Variants in S100A11 observed in about 807,000 individuals in gnomAD.
S100A11 encodes the protein S100 calcium binding protein A11.
Under a neutral mutation model 7.4 loss-of-function variants are expected in S100A11, and 5 were observed. The ratio of observed to expected loss-of-function variants is 0.68; its 90% CI spans 0.35 to 1.42. The LOEUF (loss-of-function observed/expected upper bound fraction) is 1.42, where lower values mean the gene tolerates loss of function less well. Among genes scored for constraint, S100A11 ranks in the 40% most tolerant of loss-of-function variants. The pLI is 0.04. For synonymous variants in S100A11, 47 were observed against 46.6 expected (o/e 1.01, Z -0.04); for missense variants, 96 against 125.0 (o/e 0.77, Z 1.11).
At position 152,032,588 on chromosome 1, in the gene S100A11, G is replaced by A; in HGVS notation, c.*74C>T. 1.4e-6 allele frequency: 2 copies of A among 1,390,188 alleles called. No homozygotes were observed. Among genetic ancestry groups the A allele is most frequent in the Non-Finnish European group, 2.0e-6 (2 of 999,210 alleles). 86.1% of individuals were successfully genotyped at this position (1,390,188 alleles called of 1,614,324 possible). A position where few individuals can be genotyped will look rare whatever the true frequency, so the allele number is the denominator to read the frequency against. ...AGGTGGTTAGTGTGCTCAGGGGATG[G>A]GTGGGCTGTGGAGATGATGACAGAA... On this transcript the variant is annotated 3_prime_UTR_variant, in exon 3 of 3. Coordinates refer to ENST00000271638, the MANE Select transcript of S100A11 (RefSeq NM_005620.2).
rs766173559 is a variant in S100A11, at chr1:152,032,778, C to A, written c.202G>T (p.Asp68Tyr). The change falls in exon 3 of 3, where the codon GAC becomes TAC. Residue 68 changes from aspartate (D) to tyrosine (Y), a missense_variant. Asp to Tyr is a radical substitution (Grantham distance 160). Coordinates refer to ENST00000271638, the MANE Select transcript of S100A11 (RefSeq NM_005620.2). ...GVLDRMMKKL[D>Y]TNSDGQLDFS... ...TCTAGCTGACCATCACTGTTGGTGTCCAGTTTCTTCATCATGCGGTCAAGG... is the reference window on the plus strand; with the variant it reads ...TCTAGCTGACCATCACTGTTGGTGTACAGTTTCTTCATCATGCGGTCAAGG... The A allele has an allele frequency of 2.5e-5, 41 of 1,613,742 alleles. No homozygotes were observed. Among genetic ancestry groups the A allele is most frequent in the Non-Finnish European group, 3.4e-5 (40 of 1,179,742 alleles).
chr1:152,036,981 C>A lies in S100A11; in HGVS notation c.-66G>T, dbSNP rs1264842112. 15 of 1,610,398 alleles carry A rather than the reference C, an allele frequency of 9.3e-6. No individual in the cohort carries two copies. On this transcript the variant is annotated 5_prime_UTR_variant, in exon 1 of 3. Transcript: ENST00000271638. ...GGCGCTGAGAGCTCTGTGCGCGCGG[C>A]GTGCGGGTCTGGAGCCTCTCCTCAA...
At position 152,033,056 on chromosome 1, in the gene S100A11, T is replaced by C. The variant is rs560531827; in HGVS notation, c.157-233A>G. Among the ~76,000 whole-genome samples the C allele has an allele frequency of 7.2e-5, 11 of 152,308 alleles. No homozygotes were observed. The South Asian group carries it at 2.1e-3, about 29-fold the overall frequency. On this transcript the variant is annotated intron_variant, in intron 2 of 2. Coordinates refer to ENST00000271638, the MANE Select transcript of S100A11 (RefSeq NM_005620.2). The surrounding 1 kb of genome is among the most constrained non-coding windows in gnomAD (Gnocchi z 4.0). ...CTAGTCCAGGGCTCTTTCTATGATATTAGGGGCTATTCAGTTTTGTAAAGC... is the reference window on the plus strand; with the variant it reads ...CTAGTCCAGGGCTCTTTCTATGATACTAGGGGCTATTCAGTTTTGTAAAGC...
chr1:152,036,089 A>G (rs1311188190), intron 1 of S100A11, among the ~76,000 whole-genome samples: 2 of 152,342 alleles, frequency 1.3e-5, no homozygotes, highest in East Asian at 1.9e-4. Flanking sequence ...ATTTCTTTCA[A>G]TCATTTACAA....
At position 152,032,815 on chromosome 1, in the gene S100A11, CT is replaced by C; in HGVS notation, c.164del (p.Lys55ArgfsTer9). On this transcript the variant is annotated frameshift_variant, in exon 3 of 3. Transcript: ENST00000271638. LOFTEE classifies it high-confidence loss of function. ...TELAAFTKNQ[K>X]DPGVLDRMMK... Reference sequence around the variant, plus strand: ...TCATGCGGTCAAGGACACCAGGGTCCTTCTGGTTCTGCAGAGAAAATAATAA... The same window carrying C: ...TCATGCGGTCAAGGACACCAGGGTCCTCTGGTTCTGCAGAGAAAATAATAA... 1.2e-6 allele frequency: 2 copies of C among 1,608,234 alleles called. No homozygotes were observed. Among genetic ancestry groups the C allele is most frequent in the Non-Finnish European group, 1.7e-6 (2 of 1,175,162 alleles).
Position 152,033,564 on chromosome 1 carries a change from G to A in S100A11, c.156+84C>T. 1 of 1,321,586 alleles carries A rather than the reference G, an allele frequency of 7.6e-7. No individual in the cohort carries two copies. Among genetic ancestry groups the A allele is most frequent in the Non-Finnish European group, 1.1e-6 (1 of 926,740 alleles). The allele number at this position is 1,321,586 out of a possible 1,614,324, so 81.9% of individuals were successfully genotyped here. On this transcript the variant is annotated intron_variant, in intron 2 of 2. Transcript: ENST00000271638. The surrounding 1 kb of genome is among the most constrained non-coding windows in gnomAD (Gnocchi z 4.0). ...GCAAGAGTGTGGGGTGTCAGTTGCTGCTCCTTCATTCCTGGCCATTCTGCC... is the reference window on the plus strand; with the variant it reads ...GCAAGAGTGTGGGGTGTCAGTTGCTACTCCTTCATTCCTGGCCATTCTGCC...
intron 1 of S100A11, among the ~76,000 whole-genome samples, chr1:152,035,071 T>C (rs141679346): frequency 2.3e-3 from 356 of 152,266 alleles, no homozygotes; most frequent in Middle Eastern, 0.014. Context: ...CTAAGAGAGG[T>C]GGACTTTTTC....
Position 152,032,608 on chromosome 1 carries a change from A to G in S100A11, c.*54T>C. 6.4e-7 allele frequency: 1 copy of G among 1,551,852 alleles called. No homozygotes were observed. Among genetic ancestry groups the G allele is most frequent in the Non-Finnish European group, 8.8e-7 (1 of 1,134,938 alleles). On this transcript the variant is annotated 3_prime_UTR_variant, in exon 3 of 3. Coordinates refer to ENST00000271638, the MANE Select transcript of S100A11 (RefSeq NM_005620.2). ...GGATGGGTGGGCTGTGGAGATGATG[A>G]CAGAAAGGCTGGAAGGAAAGGGGGT...
Position 152,036,973 on chromosome 1 carries a change from G to A in S100A11, c.-58C>T, listed in dbSNP as rs1344528115. 2 of 1,610,948 alleles carry A rather than the reference G, an allele frequency of 1.2e-6. No homozygotes were observed. The highest frequency in any genetic ancestry group is 1.7e-6 in the Non-Finnish European group (2 of 1,179,032). On this transcript the variant is annotated 5_prime_UTR_variant, in exon 1 of 3. Transcript: ENST00000271638. ...CTGGGAGCGGCGCTGAGAGCTCTGTGCGCGCGGCGTGCGGGTCTGGAGCCT... is the reference window on the plus strand; with the variant it reads ...CTGGGAGCGGCGCTGAGAGCTCTGTACGCGCGGCGTGCGGGTCTGGAGCCT...
chr1:152,032,971 G>C (rs1302524095), intron 2 of S100A11, 148 bp from the exon 3 acceptor site: 4 of 689,732 alleles, frequency 5.8e-6, no homozygotes, highest in Non-Finnish European at 9.4e-6. Context: ...CAGACTAAAA[G>C]AGGTGAAGTG....
intron 1 of S100A11, among the ~76,000 whole-genome samples, chr1:152,035,865 T>C (rs962656692): frequency 5.9e-5 from 9 of 152,214 alleles, no homozygotes; most frequent in African/African-American, 1.9e-4. Flanking sequence ...AAAAATACGA[T>C]GAAAAAGACG....
chr1:152,036,006 T>C (rs4631697), intron 1 of S100A11, among the ~76,000 whole-genome samples: 1,786 of 152,366 alleles, frequency 0.012, 47 homozygotes, highest in African/African-American at 0.041. Context: ...TCTGTTCCAA[T>C]ACTTCATTTA....
At chr1:152,034,529 G>T (rs961219377) in intron 1 of S100A11, among the ~76,000 whole-genome samples, 3 of 152,344 alleles carry the variant, frequency 2.0e-5, no homozygotes, top group Admixed American at 6.5e-5. Flanking sequence ...AGAAGGTGGA[G>T]CTTCTCTGGA....
chr1:152,035,362 C>T (rs999511781), intron 1 of S100A11, among the ~76,000 whole-genome samples: 1 of 152,182 alleles, frequency 6.6e-6, no homozygotes, highest in South Asian at 2.1e-4. Flanking sequence ...ACAGATTCTC[C>T]CCCTGCCCCT....
intron 1 of S100A11, among the ~76,000 whole-genome samples, chr1:152,036,622 C>CCCG (rs1476863910): frequency 2.6e-5 from 4 of 152,072 alleles, no homozygotes; most frequent in African/African-American, 4.8e-5. Flanking sequence ...GGGTCCCCCC[C>CCCG]CCGCGCGGTG....
In S100A11 at chr1:152,036,984, G is replaced by A; in HGVS notation, c.-69C>T. 6.2e-7 allele frequency: 1 copy of A among 1,610,374 alleles called. No individual in the cohort carries two copies. Among genetic ancestry groups the A allele is most frequent in the Non-Finnish European group, 8.5e-7 (1 of 1,178,932 alleles). ...GCTGAGAGCTCTGTGCGCGCGGCGTGCGGGTCTGGAGCCTCTCCTCAACCC... is the reference window on the plus strand; with the variant it reads ...GCTGAGAGCTCTGTGCGCGCGGCGTACGGGTCTGGAGCCTCTCCTCAACCC... On this transcript the variant is annotated 5_prime_UTR_variant, in exon 1 of 3. Transcript: ENST00000271638.
intron 1 of S100A11, among the ~76,000 whole-genome samples, chr1:152,036,593 G>T (rs1380060151): frequency 6.6e-6 from 1 of 151,934 alleles, no homozygotes; most frequent in South Asian, 2.1e-4. Context: ...GCGAGGGGCT[G>T]GAGGCAGTGA....
At position 152,033,578 on chromosome 1, in the gene S100A11, G is replaced by T; in HGVS notation, c.156+70C>A. ...TGTCAGTTGCTGCTCCTTCATTCCT[G>T]GCCATTCTGCCAGGGTCTTGTTTCA... On this transcript the variant is annotated intron_variant, in intron 2 of 2. Transcript: ENST00000271638. This position sits in a 1 kb window ranked among gnomAD's most constrained non-coding sequence, Gnocchi z 4.0. 1 of 1,464,238 alleles carries T rather than the reference G, an allele frequency of 6.8e-7. No individual in the cohort carries two copies. The highest frequency in any genetic ancestry group is 9.5e-7 in the Non-Finnish European group (1 of 1,050,268). 90.7% of individuals were successfully genotyped at this position (1,464,238 alleles called of 1,614,324 possible).
chr1:152,034,873 G>C (rs948953988), intron 1 of S100A11, among the ~76,000 whole-genome samples: 2 of 152,200 alleles, frequency 1.3e-5, no homozygotes, highest in African/African-American at 4.8e-5. Flanking sequence ...TTGTTCTTAG[G>C]ATGGACTTCC....
Sources: gnomAD v4.1 joint callset for allele counts (sites outside exome capture counted in the v4.1 genomes callset) on GRCh38, gnomAD v4.1.1 for gene constraint, Gnocchi (gnomAD v3.1) non-coding constraint, MANE v1.5 for transcripts, NCBI Gene and HGNC (gene_info 2026-07-23, HGNC 2026-07-21) for gene names.